CATSPERE: variants seen among roughly 807,000 people sequenced by gnomAD.
The protein encoded by CATSPERE is catsper channel auxiliary subunit epsilon.
CATSPERE carries 93 observed loss-of-function variants against 114.1 expected under a neutral mutation model. The observed-to-expected ratio is 0.81, with a 90% confidence interval of 0.69 to 0.97. The LOEUF is 0.97. CATSPERE is among the 50% of genes least tolerant of loss of function. The pLI, the probability that CATSPERE is intolerant of heterozygous loss-of-function variation, is 0.00. For missense variants in CATSPERE, 1,058 were observed against 1,131.6 expected, an observed-to-expected ratio of 0.93 and a Z score of 0.93; for synonymous variants, 341 against 384.1, an observed-to-expected ratio of 0.89 and a Z score of 1.31.
intron 21 of CATSPERE, among the ~76,000 whole-genome samples, chr1:244,639,111 A>G (rs1004638384): frequency 1.3e-5 from 2 of 151,906 alleles, no homozygotes; most frequent in Non-Finnish European, 1.5e-5. Flanking sequence ...CTCATCTCCA[A>G]CCACTCCCCT....
intron 8 of CATSPERE, among the ~76,000 whole-genome samples, chr1:244,535,157 G>T (rs922075209): frequency 6.6e-6 from 1 of 152,214 alleles, no homozygotes; most frequent in African/African-American, 2.4e-5. Context: ...AGCTGGGGGA[G>T]GGGTGACACA....
At chr1:244,451,686 C>T (rs1409461838), upstream of CATSPERE, 2 of 1,612,694 alleles carry the variant, frequency 1.2e-6, no homozygotes, top group Non-Finnish European at 1.7e-6. This position sits in a 1 kb window ranked among gnomAD's most constrained non-coding sequence, Gnocchi z 6.6. Flanking sequence ...CCACCACCTT[C>T]CCTTTGCCTT....
intron 17 of CATSPERE, among the ~76,000 whole-genome samples, chr1:244,600,235 T>G (rs1206382386): frequency 6.6e-6 from 1 of 152,128 alleles, no homozygotes; most frequent in Non-Finnish European, 1.5e-5. Flanking sequence ...TCAGCCTACC[T>G]ATGCGATCCA....
At chr1:244,634,874 T>C (rs933711581) in intron 20 of CATSPERE, among the ~76,000 whole-genome samples, 6 of 152,238 alleles carry the variant, frequency 3.9e-5, no homozygotes, top group Non-Finnish European at 8.8e-5. Context: ...AGATGGAGTC[T>C]CACTCTGTCG....
intron 6 of CATSPERE, among the ~76,000 whole-genome samples, chr1:244,493,398 T>C (rs995108763): frequency 3.3e-5 from 5 of 152,350 alleles, no homozygotes; most frequent in Admixed American, 6.5e-5. Flanking sequence ...GTTGGCCATA[T>C]GTAGAAAGCT....
intron 9 of CATSPERE, among the ~76,000 whole-genome samples, chr1:244,558,269 T>A (rs192259207): frequency 8.8e-4 from 134 of 151,638 alleles, no homozygotes; most frequent in African/African-American, 3.0e-3. Context: ...CAGCCTCACG[T>A]GTAGCTGGGA....
chr1:244,605,815 AC>A, intron 18 of CATSPERE, 21 bp downstream of exon 18: 1 of 1,521,364 alleles, frequency 6.6e-7, no homozygotes, highest in South Asian at 1.2e-5. Context: ...TTTGGATTTA[AC>A]CAGAATTTAG....
intron 12 of CATSPERE, among the ~76,000 whole-genome samples, chr1:244,582,702 G>A (rs978789325): frequency 2.6e-5 from 4 of 152,026 alleles, no homozygotes; most frequent in African/African-American, 9.7e-5. Context: ...GCACCCGCAG[G>A]AAGAATCCAT....
intron 20 of CATSPERE, among the ~76,000 whole-genome samples, chr1:244,634,412 C>T (rs1457426563): frequency 6.6e-6 from 1 of 152,120 alleles, no homozygotes; most frequent in Non-Finnish European, 1.5e-5. Flanking sequence ...TCTAACTTTG[C>T]CAAGCACATA....
intron 14 of CATSPERE, among the ~76,000 whole-genome samples, chr1:244,589,081 T>C (rs1352137203): frequency 6.6e-6 from 1 of 152,218 alleles, no homozygotes; most frequent in Non-Finnish European, 1.5e-5. Context: ...ATGAAGCACG[T>C]TGGACTCTGT....
At chr1:244,603,893 A>G (rs1669623418) in intron 17 of CATSPERE, among the ~76,000 whole-genome samples, 1 of 152,136 alleles carries the variant, frequency 6.6e-6, no homozygotes, top group Non-Finnish European at 1.5e-5. Flanking sequence ...CTGTAGTCCT[A>G]AAGTTAGGAG....
At chr1:244,513,724 C>T (rs1676135611) in intron 7 of CATSPERE, among the ~76,000 whole-genome samples, 1 of 152,024 alleles carries the variant, frequency 6.6e-6, no homozygotes. Context: ...GGACCATCCT[C>T]AGGCCCTCAG....
chr1:244,549,768 T>C (rs1399433385), intron 8 of CATSPERE, among the ~76,000 whole-genome samples: 1 of 152,178 alleles, frequency 6.6e-6, no homozygotes, highest in South Asian at 2.1e-4. Context: ...GTTAGTTGTA[T>C]GCATCAACTT....
At chr1:244,493,217 A>G (rs995820499) in intron 6 of CATSPERE, among the ~76,000 whole-genome samples, 1 of 152,256 alleles carries the variant, frequency 6.6e-6, no homozygotes, top group Non-Finnish European at 1.5e-5. Context: ...AGGCTACAGT[A>G]ACCAAAACAG....
intron 2 of CATSPERE, among the ~76,000 whole-genome samples, chr1:244,466,290 A>G (rs1336903195): frequency 2.6e-5 from 4 of 152,170 alleles, no homozygotes; most frequent in Non-Finnish European, 5.9e-5. Context: ...CAGTTATCTC[A>G]GTGGGGATGC....
intron 17 of CATSPERE, among the ~76,000 whole-genome samples, chr1:244,600,575 T>C (rs1172202297): frequency 6.6e-6 from 1 of 152,060 alleles, no homozygotes; most frequent in African/African-American, 2.4e-5. Flanking sequence ...ATATGAAAAA[T>C]GAAGCTAAAA....
At chr1:244,618,021 AG>A (rs1671615756) in intron 20 of CATSPERE, among the ~76,000 whole-genome samples, 1 of 152,216 alleles carries the variant, frequency 6.6e-6, no homozygotes. Flanking sequence ...ATAAAAGCCA[AG>A]AAAAGTTAAA....
At chr1:244,485,195 T>G (rs1670802739) in intron 5 of CATSPERE, among the ~76,000 whole-genome samples, 1 of 152,116 alleles carries the variant, frequency 6.6e-6, no homozygotes, top group Admixed American at 6.5e-5. Context: ...TTTTTCTTTT[T>G]TTTTGAGACA....
chr1:244,541,144 A>G (rs1013356907), intron 8 of CATSPERE, among the ~76,000 whole-genome samples: 8 of 146,698 alleles, frequency 5.5e-5, no homozygotes, highest in Non-Finnish European at 1.2e-4. Context: ...ACAAAAGACA[A>G]AATTGACAAA....
Sources: allele counts gnomAD v4.1 joint callset (sites outside exome capture counted in the v4.1 genomes callset), GRCh38; gene constraint gnomAD v4.1.1; non-coding constraint Gnocchi (gnomAD v3.1); transcripts MANE v1.5; gene names NCBI Gene and HGNC (gene_info 2026-07-23, HGNC 2026-07-21).